CFAP43: variants seen among roughly 807,000 people sequenced by gnomAD.
CFAP43 encodes the protein cilia and flagella associated protein 43.
A neutral mutation model predicts 218.9 loss-of-function variants in CFAP43; 155 were observed. That is an observed-to-expected ratio of 0.71 (90% CI 0.62 to 0.81). The LOEUF is 0.81. CFAP43 is among the 30% of genes least tolerant of loss of function. The pLI, the probability that CFAP43 is intolerant of heterozygous loss-of-function variation, is 0.00. For missense variants in CFAP43, 1,778 were observed against 1,954.3 expected (o/e 0.91, Z 1.70); for synonymous variants, 645 against 681.3 (o/e 0.95, Z 0.83).
At chr10:104,180,633 G>GA (rs1428752573) in intron 17 of CFAP43, among the ~76,000 whole-genome samples, 2 of 151,874 alleles carry the variant, frequency 1.3e-5, no homozygotes, top group African/African-American at 4.8e-5. Context: ...TTTTAGTAGA[G>GA]ACAGGGTTTC....
intron 10 of CFAP43, among the ~76,000 whole-genome samples, chr10:104,194,617 T>A (rs902491106): frequency 1.3e-5 from 2 of 152,172 alleles, no homozygotes; most frequent in Non-Finnish European, 2.9e-5. Context: ...GGAAGATGTA[T>A]TCAGTCACCA....
intron 10 of CFAP43, among the ~76,000 whole-genome samples, chr10:104,196,317 T>C (rs201947433): frequency 6.6e-6 from 1 of 152,174 alleles, no homozygotes; most frequent in East Asian, 1.9e-4. Context: ...CTGGTTAGAG[T>C]GGCAACTTTC....
chr10:104,211,710 C>A (rs1164303067), intron 5 of CFAP43, among the ~76,000 whole-genome samples: 1 of 152,198 alleles, frequency 6.6e-6, no homozygotes, highest in Non-Finnish European at 1.5e-5. Flanking sequence ...ACTTTCCCAA[C>A]TTCTGCCCAG....
chr10:104,178,140 A>T (rs2089696305), intron 19 of CFAP43, among the ~76,000 whole-genome samples: 1 of 152,184 alleles, frequency 6.6e-6, no homozygotes, highest in Admixed American at 6.5e-5. Context: ...GGGACTCAGG[A>T]AACAGGAGCT....
chr10:104,193,071 C>A (rs538765911), intron 11 of CFAP43: 1 of 152,280 alleles, frequency 6.6e-6, no homozygotes, highest in East Asian at 1.9e-4. Flanking sequence ...AATGTCTGTT[C>A]TTATTAATAC....
At position 104,230,620 on chromosome 10, in the gene CFAP43, G is replaced by C. The variant is rs778294802; in HGVS notation, c.289C>G (p.Pro97Ala). 1.2e-6 allele frequency: 2 copies of C among 1,614,136 alleles called. No homozygotes were observed. Among genetic ancestry groups the C allele is most frequent in the South Asian group, 1.1e-5 (1 of 91,068 alleles). Residue 97 changes from proline to alanine, a missense_variant, in exon 2 of 38, where the codon CCA becomes GCA. Physicochemically the swap from Pro to Ala is conservative, Grantham distance 27. Transcript: ENST00000357060. ...AATTTGGTCCTTCTGGTCAATCCTG[G>C]AAAGCTGTATACGTAGATGAGAGGT... ...LKPLIYVYSF[P>A]GLTRRTKLKG...
Position 104,141,078 on chromosome 10 carries a change from C to T in CFAP43, c.4272-77G>A, listed in dbSNP as rs970270540. ...ACCTATTATCTGAGAATATAAAAATCGAATCAGCTTAAGGAAAACATGCTG... is the reference window on the plus strand; with the variant it reads ...ACCTATTATCTGAGAATATAAAAATTGAATCAGCTTAAGGAAAACATGCTG... On this transcript the variant is annotated intron_variant, in intron 33 of 37. Transcript: ENST00000357060. The T allele has an allele frequency of 4.8e-5, 68 of 1,422,040 alleles. No homozygotes were observed. In the South Asian group the frequency reaches 6.7e-4, roughly 14 times the overall value. 88.1% of individuals were successfully genotyped at this position (1,422,040 alleles called of 1,614,324 possible).
rs767506855 is a variant in CFAP43, at chr10:104,187,445, T to G, written c.1735A>C (p.Ile579Leu). Residue 579 changes from isoleucine to leucine, a missense_variant, in exon 14 of 38, where the codon ATT becomes CTT. Physicochemically the swap from Ile to Leu is conservative, Grantham distance 5. Transcript: ENST00000357060. ...TCCAACTCATACAGGTACTTATGAA[T>G]GATTTCATCTTTCAGCCTTCCTCTT... is the stretch of plus-strand genomic sequence containing the variant. Reference protein sequence around the residue: ...DERGRLKDEIIHKYLYELEHA... With the variant: ...DERGRLKDEILHKYLYELEHA... 19 of 1,599,134 alleles carry G rather than the reference T, an allele frequency of 1.2e-5. No homozygotes were observed. In the South Asian group the frequency reaches 2.2e-4, roughly 18 times the overall value.
At chr10:104,161,006 G>A in intron 27 of CFAP43, 31 bp downstream of exon 27, 2 of 1,574,186 alleles carry the variant, frequency 1.3e-6, no homozygotes, top group Non-Finnish European at 1.7e-6. Context: ...TCTGGATATG[G>A]TAGGTTATAT....
chr10:104,197,880 C>G, intron 9 of CFAP43, 42 bp downstream of exon 9: 1 of 1,319,734 alleles, frequency 7.6e-7, no homozygotes, highest in Non-Finnish European at 1.1e-6. Context: ...GCAACATCAT[C>G]GTATCTTTAG....
chr10:104,207,458 T>C (rs969813120), intron 6 of CFAP43, among the ~76,000 whole-genome samples: 3 of 152,028 alleles, frequency 2.0e-5, no homozygotes, highest in Non-Finnish European at 4.4e-5. Context: ...ATCGTGGAGA[T>C]TAAGGTGTCT....
At chr10:104,221,282 T>G (rs1169245316) in intron 3 of CFAP43, among the ~76,000 whole-genome samples, 3 of 152,176 alleles carry the variant, frequency 2.0e-5, no homozygotes, top group African/African-American at 7.2e-5. Flanking sequence ...GCTGTGTGTG[T>G]GTTCTTTTAA....
chr10:104,197,733 G>A (rs935092867), intron 9 of CFAP43, among the ~76,000 whole-genome samples, 189 bp downstream of exon 9: 36 of 152,124 alleles, frequency 2.4e-4, no homozygotes, highest in East Asian at 1.9e-4. Flanking sequence ...CATTCTAACC[G>A]GGGGGTAGAT....
At chr10:104,175,743 A>G (rs1397528818) in intron 19 of CFAP43, among the ~76,000 whole-genome samples, 1 of 152,194 alleles carries the variant, frequency 6.6e-6, no homozygotes, top group Non-Finnish European at 1.5e-5. Flanking sequence ...AAGCCTGCAG[A>G]CATGTGCCAC....
chr10:104,155,144 T>G (rs986837041), intron 27 of CFAP43, among the ~76,000 whole-genome samples: 1 of 152,138 alleles, frequency 6.6e-6, no homozygotes, highest in Non-Finnish European at 1.5e-5. Context: ...TGTCTCATCT[T>G]GGGGTGAGGA....
chr10:104,137,662 TA>T (rs1411266458), intron 34 of CFAP43, among the ~76,000 whole-genome samples: 1 of 151,946 alleles, frequency 6.6e-6, no homozygotes, highest in Non-Finnish European at 1.5e-5. Context: ...ATATAAAAAT[TA>T]GCCAGGTGTG....
intron 13 of CFAP43, among the ~76,000 whole-genome samples, chr10:104,187,811 C>G (rs570360944): frequency 6.6e-6 from 1 of 152,164 alleles, no homozygotes; most frequent in Non-Finnish European, 1.5e-5. Flanking sequence ...GTTGTCGGCT[C>G]TCTTCTGCTC....
intron 18 of CFAP43, among the ~76,000 whole-genome samples, chr10:104,179,421 A>G (rs2089745498): frequency 6.6e-6 from 1 of 152,226 alleles, no homozygotes; most frequent in South Asian, 2.1e-4. Context: ...AGACTAGATC[A>G]ATAGGCTAAA....
At chr10:104,131,019 AAAG>A (rs1324410221) in intron 37 of CFAP43, among the ~76,000 whole-genome samples, 2 of 150,198 alleles carry the variant, frequency 1.3e-5, no homozygotes, top group Non-Finnish European at 3.0e-5. Flanking sequence ...AAAAAAAAAA[AAAG>A]AAAAGAAACA....
Sources: allele counts gnomAD v4.1 joint callset (sites outside exome capture counted in the v4.1 genomes callset), GRCh38; gene constraint gnomAD v4.1.1; transcripts MANE v1.5; gene names NCBI Gene and HGNC (gene_info 2026-07-23, HGNC 2026-07-21).